The following FXR1 variants were observed in gnomAD, a reference collection of about 807,000 sequenced individuals.
FXR1 encodes RNA-binding protein FXR1.
A neutral mutation model predicts 84.0 loss-of-function variants in FXR1; 15 were observed. That is an observed-to-expected ratio of 0.18 (90% CI 0.12 to 0.27). The LOEUF (loss-of-function observed/expected upper bound fraction) is 0.27. FXR1 is among the 10% of genes least tolerant of loss of function. FXR1 has a pLI of 1.00. For missense variants in FXR1, 480 were observed against 774.4 expected, an observed-to-expected ratio of 0.62 and a Z score of 4.51; for synonymous variants, 245 against 250.7, an observed-to-expected ratio of 0.98 and a Z score of 0.21.
chr3:180,922,171 T>A (rs1016288025), intron 1 of FXR1, among the ~76,000 whole-genome samples: 1 of 152,176 alleles, frequency 6.6e-6, no homozygotes, highest in African/African-American at 2.4e-5. Flanking sequence ...TGGATAGATA[T>A]CAAAGAATGG....
At chr3:180,915,478 T>C in intron 1 of FXR1, 1 of 1,453,294 alleles carries the variant, frequency 6.9e-7, no homozygotes, top group South Asian at 1.2e-5. Flanking sequence ...AGAAGCAATT[T>C]AATTTTAATT....
intron 5 of FXR1, 96 bp downstream of exon 5, chr3:180,948,591 ATG>A: frequency 9.7e-7 from 1 of 1,034,360 alleles, no homozygotes; most frequent in Non-Finnish European, 1.5e-6. Context: ...AAACCTTCTG[ATG>A]GAAAATCATC....
intron 13 of FXR1, among the ~76,000 whole-genome samples, chr3:180,963,371 A>G (rs1411242370): frequency 6.6e-6 from 1 of 152,156 alleles, no homozygotes; most frequent in Non-Finnish European, 1.5e-5. Flanking sequence ...AAGAATACAT[A>G]TGTAACTTGT....
intron 13 of FXR1, among the ~76,000 whole-genome samples, chr3:180,967,373 C>T (rs1313936291): frequency 6.6e-6 from 1 of 151,994 alleles, no homozygotes; most frequent in East Asian, 1.9e-4. Context: ...GAAAAGTATA[C>T]CCTAGAATCA....
At chr3:180,954,987 ATT>A (rs35677270) in intron 9 of FXR1, among the ~76,000 whole-genome samples, 12 of 132,648 alleles carry the variant, frequency 9.0e-5, no homozygotes, top group Admixed American at 1.6e-4. Flanking sequence ...GTAAAAATAA[ATT>A]TTTTTTTTTT....
rs549598359 is a variant in FXR1, at chr3:180,965,031, T to C, written c.1198+1941T>C. The stretch of plus-strand genomic sequence containing the variant: ...CATTATGTTTTGTTACTTTTTTTTT[T>C]TTGAGACGGAGTTTCGCTCTTGTTG... On this transcript the variant is annotated intron_variant, in intron 13 of 16. Transcript: ENST00000357559. 3.2e-4 allele frequency among the ~76,000 whole-genome samples: 48 copies of C among 152,168 alleles called. No homozygotes were observed. In the South Asian group the frequency reaches 1.0e-2, roughly 32 times the overall value.
At position 180,961,504 on chromosome 3, in the gene FXR1, A is replaced by G; in HGVS notation, c.1027A>G (p.Ser343Gly). ...ATTTGTATTTGTTGGCACTAAAGAA[A>G]GCATTGGAAATGTGCAGGTTCTTCT... Reference protein sequence around the residue: ...VPFVFVGTKESIGNVQVLLEY... With the variant: ...VPFVFVGTKEGIGNVQVLLEY... Residue 343 changes from serine to glycine, a missense_variant, in exon 11 of 17, where the codon AGC (serine) becomes GGC (glycine). Around this residue, in one of 6 missense-constraint regions of FXR1, gnomAD observed 33 missense variants for 42.4 expected, o/e 0.78. Transcript: ENST00000357559. The G allele has an allele frequency of 6.3e-7, 1 of 1,576,032 alleles. No individual in the cohort carries two copies. The highest frequency in any genetic ancestry group is 8.7e-7 in the Non-Finnish European group (1 of 1,145,724).
chr3:180,954,401 C>G (rs570305664), intron 9 of FXR1, among the ~76,000 whole-genome samples: 1 of 152,092 alleles, frequency 6.6e-6, no homozygotes, highest in Admixed American at 6.6e-5. Flanking sequence ...TTATTTGACA[C>G]CATTATTGAA....
At chr3:180,939,534 T>C (rs147810780) in intron 3 of FXR1, among the ~76,000 whole-genome samples, 1 of 152,206 alleles carries the variant, frequency 6.6e-6, no homozygotes, top group East Asian at 1.9e-4. Context: ...AAGTAGAGCT[T>C]CCATGACTTC....
At chr3:180,921,941 C>T (rs572449624) in intron 1 of FXR1, among the ~76,000 whole-genome samples, 3 of 152,110 alleles carry the variant, frequency 2.0e-5, no homozygotes, top group African/African-American at 4.8e-5. Context: ...TCACTATGCT[C>T]GTAGAATTGT....
At chr3:180,944,132 C>T (rs944971491) in intron 3 of FXR1, among the ~76,000 whole-genome samples, 12 of 151,722 alleles carry the variant, frequency 7.9e-5, no homozygotes, top group African/African-American at 2.4e-4. Flanking sequence ...AGGCTGGTCT[C>T]GAACTCCTGA....
rs745619416 is a variant in FXR1 at position 180,949,186 on chromosome 3, G to T, written c.514-41G>T. The T allele has an allele frequency of 1.0e-5, 10 of 989,574 alleles. No individual in the cohort carries two copies. The South Asian group carries it at 1.3e-4, about 13-fold the overall frequency. The allele number at this position is 989,574 out of a possible 1,614,324, so 61.3% of individuals were successfully genotyped here. On this transcript the variant is annotated intron_variant, in intron 6 of 16. Coordinates refer to ENST00000357559, the MANE Select transcript of FXR1 (RefSeq NM_005087.4). ...GGGATGGTGTTTGTGCTATTTGGAA[G>T]AATGATTAAAGTTTTGAGTAATTAG...
chr3:180,969,655 T>C (rs941617288), intron 14 of FXR1, among the ~76,000 whole-genome samples: 1 of 152,216 alleles, frequency 6.6e-6, no homozygotes, highest in African/African-American at 2.4e-5. Context: ...ATTTCTATTA[T>C]GTCATGGAAT....
At chr3:180,953,624 T>C (rs936128632) in intron 8 of FXR1, 138 bp from the exon 9 acceptor site, 5 of 525,496 alleles carry the variant, frequency 9.5e-6, no homozygotes, top group Non-Finnish European at 1.7e-5. Flanking sequence ...CTGAAATCTC[T>C]CCCCAGTGGA....
chr3:180,946,454 T>C (rs1272137955), intron 3 of FXR1, among the ~76,000 whole-genome samples: 3 of 152,228 alleles, frequency 2.0e-5, no homozygotes, highest in African/African-American at 7.2e-5. Context: ...AGTTCTGTTC[T>C]AGTCTTAGAG....
intron 1 of FXR1, chr3:180,915,300 A>G (rs1315459755): frequency 3.8e-6 from 2 of 529,370 alleles, no homozygotes; most frequent in Admixed American, 3.7e-5. Context: ...AGCATTTATC[A>G]AGATTCATAG....
chr3:180,936,033 A>G (rs1720485725), intron 3 of FXR1, among the ~76,000 whole-genome samples: 1 of 152,108 alleles, frequency 6.6e-6, no homozygotes, highest in Non-Finnish European at 1.5e-5. Flanking sequence ...CTGGAACTAC[A>G]GGCGTGTGTC....
At chr3:180,927,154 C>G (rs1719327034) in intron 1 of FXR1, among the ~76,000 whole-genome samples, 2 of 152,138 alleles carry the variant, frequency 1.3e-5, no homozygotes, top group South Asian at 4.2e-4. Context: ...AACATTACTA[C>G]CAGACTCAAT....
At chr3:180,968,013 T>C (rs1041816625) in intron 13 of FXR1, 38 bp from the exon 14 acceptor site, 2 of 1,322,034 alleles carry the variant, frequency 1.5e-6, no homozygotes, top group Admixed American at 1.7e-5. Flanking sequence ...AGGCTTTTTA[T>C]AGAAATCTAA....
Sources: allele counts gnomAD v4.1 joint callset (sites outside exome capture counted in the v4.1 genomes callset), GRCh38; gene constraint gnomAD v4.1.1; regional missense constraint gnomAD v4.1.1; transcripts MANE v1.5; gene names NCBI Gene and HGNC (gene_info 2026-07-23, HGNC 2026-07-21).